Variants in DPH6 observed in about 807,000 individuals in gnomAD.
DPH6 encodes the protein diphthamine biosynthesis 6.
A neutral mutation model predicts 38.2 loss-of-function variants in DPH6; 33 were observed. The observed-to-expected ratio is 0.86, with a 90% CI of 0.65 to 1.15. The LOEUF (loss-of-function observed/expected upper bound fraction) is 1.15. Among genes scored for constraint, DPH6 ranks in the 50% most tolerant of loss-of-function variants. The probability of loss-of-function intolerance (pLI) is 0.00; values close to 1 mark genes in which losing one functional copy is unlikely to be tolerated. For missense variants in DPH6, 325 were observed against 320.0 expected (o/e 1.02, Z -0.12); for synonymous variants, 108 against 103.0 (o/e 1.05, Z -0.30).
intron 3 of DPH6, among the ~76,000 whole-genome samples, chr15:35,345,654 A>T (rs1437509635): frequency 6.6e-6 from 1 of 151,930 alleles, no homozygotes; most frequent in African/African-American, 2.4e-5. Context: ...AAGATTTTTA[A>T]ATCTATGTTC....
chr15:35,194,981 G>A, the DPH6 span, among the ~76,000 whole-genome samples: 1 of 152,048 alleles, frequency 6.6e-6, no homozygotes, highest in Non-Finnish European at 1.5e-5. Flanking sequence ...GTTAACTATA[G>A]TCACCCTATT....
chr15:35,456,573 C>T lies in DPH6; in HGVS notation c.313-1753G>A, dbSNP rs922001804. 8.6e-5 allele frequency among the ~76,000 whole-genome samples: 13 copies of T among 151,624 alleles called. No homozygotes were observed. The East Asian group carries it at 1.6e-3, about 18-fold the overall frequency. On this transcript the variant is annotated intron_variant, in intron 3 of 8. Transcript: ENST00000256538. ...CACGATCTCAGCTCACTGCAACCTC[C>T]GCCTCCAGGGTTCAAGCGATTCTTC...
intron 3 of DPH6, among the ~76,000 whole-genome samples, chr15:35,240,797 C>A (rs1439115670): frequency 6.9e-6 from 1 of 143,898 alleles, no homozygotes; most frequent in Non-Finnish European, 1.5e-5. Context: ...TCTCAATATA[C>A]ATTTTATTAC....
chr15:35,157,146 T>G, the DPH6 span, among the ~76,000 whole-genome samples: 1 of 152,166 alleles, frequency 6.6e-6, no homozygotes, highest in African/African-American at 2.4e-5. Flanking sequence ...TTGGGAATGA[T>G]TCCGATCATC....
intron 3 of DPH6, among the ~76,000 whole-genome samples, chr15:35,231,121 G>C (rs1291992632): frequency 6.6e-6 from 1 of 152,220 alleles, no homozygotes; most frequent in Non-Finnish European, 1.5e-5. Context: ...TGCCTTTCAA[G>C]TTTATTTGGA....
At chr15:35,196,387 T>C in the DPH6 span, among the ~76,000 whole-genome samples, 2 of 152,162 alleles carry the variant, frequency 1.3e-5, no homozygotes, top group Non-Finnish European at 2.9e-5. Flanking sequence ...CTAAGCTTAA[T>C]GATGAGGATA....
chr15:35,387,266 C>T (rs927391366), intron 6 of DPH6, among the ~76,000 whole-genome samples: 2 of 152,118 alleles, frequency 1.3e-5, no homozygotes, highest in African/African-American at 2.4e-5. Flanking sequence ...AGTTTGAAGT[C>T]AGGCAGCATG....
the DPH6 span, among the ~76,000 whole-genome samples, chr15:35,151,023 C>A: frequency 6.6e-6 from 1 of 151,964 alleles, no homozygotes; most frequent in Non-Finnish European, 1.5e-5. Flanking sequence ...TTCACCAACC[C>A]CGCGAAAACA....
At chr15:35,392,393 A>T (rs1316484468) in intron 6 of DPH6, among the ~76,000 whole-genome samples, 1 of 141,758 alleles carries the variant, frequency 7.1e-6, no homozygotes, top group Non-Finnish European at 1.5e-5. Context: ...CTTATCTGTT[A>T]GTCATTTTAA....
chr15:35,477,049 T>C (rs2054272107), intron 3 of DPH6, among the ~76,000 whole-genome samples: 1 of 151,870 alleles, frequency 6.6e-6, no homozygotes, highest in Admixed American at 6.6e-5. Flanking sequence ...TACTTTATTA[T>C]ATGTACAAAG....
chr15:35,177,600 AAT>A, the DPH6 span, among the ~76,000 whole-genome samples: 5 of 134,470 alleles, frequency 3.7e-5, no homozygotes, highest in African/African-American at 1.4e-4. Flanking sequence ...AAAAAAAAAA[AAT>A]CATCATCATC....
intron 3 of DPH6, among the ~76,000 whole-genome samples, chr15:35,238,550 C>T (rs560799622): frequency 3.9e-5 from 6 of 152,188 alleles, no homozygotes; most frequent in Non-Finnish European, 8.8e-5. Context: ...GCAAAGCTTT[C>T]ATGTTTCTGT....
chr15:35,495,408 C>T (rs2054536332), intron 3 of DPH6, among the ~76,000 whole-genome samples: 1 of 152,042 alleles, frequency 6.6e-6, no homozygotes, highest in Non-Finnish European at 1.5e-5. Context: ...CTTGGACGCT[C>T]CAGAAGTGTG....
At chr15:35,379,257 G>C (rs1020947341) in intron 7 of DPH6, among the ~76,000 whole-genome samples, 1 of 152,062 alleles carries the variant, frequency 6.6e-6, no homozygotes. Flanking sequence ...AAATAAGTCT[G>C]CATGTAAAAT....
intron 4 of DPH6, among the ~76,000 whole-genome samples, chr15:35,453,998 T>G (rs1243694237): frequency 6.6e-6 from 1 of 152,068 alleles, no homozygotes; most frequent in Non-Finnish European, 1.5e-5. Flanking sequence ...ATTTTTTTTG[T>G]TAATATAATT....
intron 3 of DPH6, among the ~76,000 whole-genome samples, chr15:35,528,695 G>A (rs1468544037): frequency 6.6e-6 from 1 of 152,072 alleles, no homozygotes; most frequent in East Asian, 1.9e-4. Flanking sequence ...TGAACAGTAA[G>A]AAATATACAA....
At chr15:35,322,607 T>C (rs1008746849) in intron 3 of DPH6, among the ~76,000 whole-genome samples, 1 of 152,192 alleles carries the variant, frequency 6.6e-6, no homozygotes, top group African/African-American at 2.4e-5. Flanking sequence ...TTCTTTGGAG[T>C]TGGAGAGTAT....
At chr15:35,286,379 G>A (rs576141477) in intron 3 of DPH6, among the ~76,000 whole-genome samples, 18 of 152,214 alleles carry the variant, frequency 1.2e-4, no homozygotes, top group African/African-American at 4.1e-4. Flanking sequence ...GAGGTGCTTC[G>A]CCCAATGAAT....
At chr15:35,363,826 A>C (rs1283598320) in intron 3 of DPH6, among the ~76,000 whole-genome samples, 1 of 151,946 alleles carries the variant, frequency 6.6e-6, no homozygotes, top group Non-Finnish European at 1.5e-5. Flanking sequence ...AGAATTTATG[A>C]CATGTTATCT....
Sources: allele counts gnomAD v4.1 joint callset (sites outside exome capture counted in the v4.1 genomes callset), GRCh38; gene constraint gnomAD v4.1.1; transcripts MANE v1.5; gene names NCBI Gene and HGNC (gene_info 2026-07-23, HGNC 2026-07-21).